The following ANKHD1 variants were observed in gnomAD, a reference collection of about 807,000 sequenced individuals.
ANKHD1 encodes the protein ankyrin repeat and KH domain-containing protein 1.
Under a neutral mutation model 230.5 loss-of-function variants are expected in ANKHD1, and 31 were observed. That is an observed-to-expected ratio of 0.13 (90% CI 0.10 to 0.18). ANKHD1 has a LOEUF of 0.18. ANKHD1 is among the 10% of genes least tolerant of loss of function. The probability of loss-of-function intolerance (pLI) is 1.00; values close to 1 mark genes in which losing one functional copy is unlikely to be tolerated. For synonymous variants in ANKHD1, 1,074 were observed against 1,117.6 expected (o/e 0.96, Z 0.78); for missense variants, 2,256 against 3,071.3 (o/e 0.73, Z 6.27).
At chr5:140,501,545 C>T (rs540187316) in intron 15 of ANKHD1, among the ~76,000 whole-genome samples, 1 of 151,838 alleles carries the variant, frequency 6.6e-6, no homozygotes, top group South Asian at 2.1e-4. Flanking sequence ...GTTAGGAGAT[C>T]GAGACCATCC....
chr5:140,481,509 G>C (rs1281273901), intron 10 of ANKHD1, among the ~76,000 whole-genome samples: 1 of 151,810 alleles, frequency 6.6e-6, no homozygotes, highest in Non-Finnish European at 1.5e-5. Flanking sequence ...ATTTTAGGGA[G>C]GAATTCCTAT....
intron 5 of ANKHD1, among the ~76,000 whole-genome samples, chr5:140,444,435 T>C (rs938670904): frequency 6.6e-6 from 1 of 152,154 alleles, no homozygotes; most frequent in Non-Finnish European, 1.5e-5. Context: ...AAAATACAGG[T>C]TCCTAGAAGT....
At chr5:140,510,241 G>T in intron 22 of ANKHD1, 60 bp downstream of exon 22, 1 of 1,483,856 alleles carries the variant, frequency 6.7e-7, no homozygotes, top group African/African-American at 1.4e-5. Flanking sequence ...AAAACCATGT[G>T]AGAAAGATAA....
chr5:140,480,379 G>A (rs1751218797), intron 10 of ANKHD1, among the ~76,000 whole-genome samples: 1 of 151,988 alleles, frequency 6.6e-6, no homozygotes, highest in Non-Finnish European at 1.5e-5. Flanking sequence ...TAAATATACA[G>A]AATTAACAGT....
intron 1 of ANKHD1, among the ~76,000 whole-genome samples, chr5:140,425,855 G>A (rs988886525): frequency 6.6e-6 from 1 of 152,000 alleles, no homozygotes; most frequent in Non-Finnish European, 1.5e-5. Context: ...TGTGTGTTTT[G>A]CAAAAAGGAA....
intron 29 of ANKHD1, chr5:140,533,004 A>G (rs2127095283): frequency 4.8e-6 from 1 of 207,968 alleles, no homozygotes; most frequent in African/African-American, 2.4e-5. Context: ...AGGCTGAGGC[A>G]GGTGAATCGC....
intron 1 of ANKHD1, among the ~76,000 whole-genome samples, chr5:140,403,077 C>T (rs1031092775): frequency 7.0e-6 from 1 of 142,638 alleles, no homozygotes; most frequent in Non-Finnish European, 1.5e-5. Flanking sequence ...TCAAGCGATT[C>T]TCCTGCCTCA....
chr5:140,403,090 C>T (rs752487927), intron 1 of ANKHD1, among the ~76,000 whole-genome samples: 1 of 151,382 alleles, frequency 6.6e-6, no homozygotes, highest in Admixed American at 6.6e-5. Context: ...CTGCCTCAGC[C>T]TCCCGAGTAG....
intron 31 of ANKHD1, 69 bp downstream of exon 31, chr5:140,537,658 G>C (rs904702873): frequency 6.8e-7 from 1 of 1,467,914 alleles, no homozygotes; most frequent in African/African-American, 1.4e-5. Context: ...TTAAAACTTA[G>C]TTCCTTAGAA....
At chr5:140,478,177 A>G (rs1011021937) in intron 10 of ANKHD1, among the ~76,000 whole-genome samples, 2 of 152,156 alleles carry the variant, frequency 1.3e-5, no homozygotes, top group East Asian at 1.9e-4. Context: ...ATGATATTCT[A>G]TGGTATAGAA....
chr5:140,440,157 A>G lies in ANKHD1; in HGVS notation c.656A>G (p.Asn219Ser). The change falls in exon 4 of 34, where the codon AAT becomes AGT. Residue 219 changes from asparagine (N) to serine (S), a missense_variant. By Grantham distance (46) the Asn-to-Ser change is conservative. Transcript: ENST00000360839. Reference protein sequence around the residue: ...LAEACSDGDVNAVRKLLDEGR... With the variant: ...LAEACSDGDVSAVRKLLDEGR... ...GAAGCTTGTTCAGATGGGGATGTTA[A>G]TGCTGTTCGTAAATTGCTAGATGAA... is the stretch of plus-strand genomic sequence containing the variant. 6.2e-7 allele frequency: 1 copy of G among 1,613,186 alleles called. No individual in the cohort carries two copies. Among genetic ancestry groups the G allele is most frequent in the Non-Finnish European group, 8.5e-7 (1 of 1,179,538 alleles).
intron 29 of ANKHD1, among the ~76,000 whole-genome samples, chr5:140,533,970 A>T (rs908456977): frequency 1.6e-4 from 25 of 152,200 alleles, no homozygotes; most frequent in African/African-American, 5.6e-4. Context: ...AGGAAAGCAC[A>T]GTAATAAATT....
At chr5:140,436,314 A>G in intron 2 of ANKHD1, 57 bp downstream of exon 2, 1 of 1,358,326 alleles carries the variant, frequency 7.4e-7, no homozygotes, top group South Asian at 2.1e-5. Context: ...ATCTCTTTAC[A>G]GTTACATGAG....
chr5:140,536,077 C>T (rs1030923185), intron 30 of ANKHD1, among the ~76,000 whole-genome samples: 1 of 151,700 alleles, frequency 6.6e-6, no homozygotes, highest in Non-Finnish European at 1.5e-5. Context: ...TTAAAATATT[C>T]CTTTGTTCTA....
At chr5:140,404,488 G>A (rs567293032) in intron 1 of ANKHD1, among the ~76,000 whole-genome samples, 5 of 150,952 alleles carry the variant, frequency 3.3e-5, no homozygotes, top group Middle Eastern at 3.4e-3. Flanking sequence ...GCTGGAGTGC[G>A]GTGGCTCGAT....
intron 14 of ANKHD1, among the ~76,000 whole-genome samples, chr5:140,491,259 G>A (rs1195619161): frequency 1.4e-5 from 2 of 145,594 alleles, no homozygotes; most frequent in African/African-American, 2.6e-5. Context: ...AACCTCCGAG[G>A]TTCAAGCAAT....
intron 24 of ANKHD1, among the ~76,000 whole-genome samples, chr5:140,515,044 G>A (rs1473854227): frequency 2.0e-5 from 3 of 151,612 alleles, no homozygotes; most frequent in African/African-American, 4.8e-5. Flanking sequence ...TTGGGAGGCC[G>A]AGGCGGGCAG....
chr5:140,419,371 A>G (rs1026988633), intron 1 of ANKHD1, among the ~76,000 whole-genome samples: 2 of 151,064 alleles, frequency 1.3e-5, no homozygotes, highest in Admixed American at 6.6e-5. Flanking sequence ...TAGGAAAAAA[A>G]TTCTGGATGC....
At chr5:140,449,104 G>A in intron 6 of ANKHD1, 107 bp from the exon 7 acceptor site, 1 of 1,150,676 alleles carries the variant, frequency 8.7e-7, no homozygotes. Context: ...TGCAAAATAA[G>A]TTATCAAATT....
Sources: gnomAD v4.1 joint callset for allele counts (sites outside exome capture counted in the v4.1 genomes callset) on GRCh38, gnomAD v4.1.1 for gene constraint, MANE v1.5 for transcripts, NCBI Gene and HGNC (gene_info 2026-07-23, HGNC 2026-07-21) for gene names.